The following TDRD6 variants were observed in gnomAD, a reference collection of about 807,000 sequenced individuals.
TDRD6 encodes tudor domain-containing protein 6.
A neutral mutation model predicts 157.5 loss-of-function variants in TDRD6; 186 were observed. That is an observed-to-expected ratio of 1.18 (90% confidence interval 1.05 to 1.33). The LOEUF (loss-of-function observed/expected upper bound fraction) is 1.33, where lower values mean the gene tolerates loss of function less well. Ranked by LOEUF, TDRD6 falls within the 40% of genes most tolerant of loss-of-function variation. The pLI is 0.00. For missense variants in TDRD6, 3,066 were observed against 2,508.0 expected, an observed-to-expected ratio of 1.22 and a Z score of -4.75; for synonymous variants, 1,075 against 945.2, an observed-to-expected ratio of 1.14 and a Z score of -2.52.
intron 2 of TDRD6, among the ~76,000 whole-genome samples, chr6:46,696,545 GTATA>G (rs72157622): frequency 1.1e-3 from 63 of 57,240 alleles, no homozygotes; most frequent in African/African-American, 2.4e-3. Flanking sequence ...GTATATATAT[GTATA>G]TATGTGTGTG....
Position 46,692,614 on chromosome 6 carries a change from A to T in TDRD6, c.4486A>T (p.Ser1496Cys). The T allele has an allele frequency of 6.2e-7, 1 of 1,613,584 alleles. No individual in the cohort carries two copies. Among genetic ancestry groups the T allele is most frequent in the African/African-American group, 1.3e-5 (1 of 75,028 alleles). Residue 1496 changes from serine to cysteine, a missense_variant, in exon 1 of 4, where the codon AGT becomes TGT. Coordinates refer to ENST00000316081, the MANE Select transcript of TDRD6 (RefSeq NM_001010870.3). Reference sequence around the variant, plus strand: ...TTCTACCCAAGTAATTAAAAGTGCCAGTTCAAAGTCTGTTAACAAATCAGA... The same window carrying T: ...TTCTACCCAAGTAATTAAAAGTGCCTGTTCAAAGTCTGTTAACAAATCAGA... ...ELSTQVIKSA[S>C]SKSVNKSDID... is the part of the protein sequence containing the mutation.
At chr6:46,686,030 G>T (rs2150673046), upstream of TDRD6, among the ~76,000 whole-genome samples, 1 of 152,230 alleles carries the variant, frequency 6.6e-6, no homozygotes, top group South Asian at 2.1e-4. Flanking sequence ...GGAAAATCTG[G>T]GTGGATGGGG....
Position 46,691,157 on chromosome 6 carries a change from A to T in TDRD6, c.3029A>T (p.Asn1010Ile). Residue 1010 changes from asparagine (N) to isoleucine (I), a missense_variant, in exon 1 of 4, where the codon AAT becomes ATT. Transcript: ENST00000316081. ...TATTGCCAGCTGGCAAGAAATGCAA[A>T]TATTTTAGAACAGTTGTCATGTAGT... ...TFYCQLARNA[N>I]ILEQLSCSIT... The T allele has an allele frequency of 6.2e-7, 1 of 1,613,724 alleles. No homozygotes were observed. The highest frequency in any genetic ancestry group is 8.5e-7 in the Non-Finnish European group (1 of 1,179,868).
Position 46,688,223 on chromosome 6 carries a change from T to C in TDRD6, c.95T>C (p.Leu32Pro), listed in dbSNP as rs1487453203. Reference protein sequence around the residue: ...DVHPDVIPVQLWGLVGERRGE... With the variant: ...DVHPDVIPVQPWGLVGERRGE... The stretch of plus-strand genomic sequence containing the variant: ...CATCCCGATGTGATCCCGGTGCAGC[T>C]GTGGGGGCTGGTGGGCGAGCGGCGG... Residue 32 changes from leucine to proline, a missense_variant, in exon 1 of 4, where the codon CTG (leucine) becomes CCG (proline). Coordinates refer to ENST00000316081, the MANE Select transcript of TDRD6 (RefSeq NM_001010870.3). 1 of 1,535,162 alleles carries C rather than the reference T, an allele frequency of 6.5e-7. No homozygotes were observed. Among genetic ancestry groups the C allele is most frequent in the Non-Finnish European group, 8.7e-7 (1 of 1,147,694 alleles).
In TDRD6 at chr6:46,702,214, TTTAAA is replaced by T. The variant is rs1250371409; in HGVS notation, c.*333_*337del. 5.3e-5 allele frequency: 10 copies of T among 189,294 alleles called. No homozygotes were observed. Among genetic ancestry groups the T allele is most frequent in the East Asian group, 1.2e-4 (1 of 8,198 alleles). The allele number at this position is 189,294 out of a possible 1,614,324, so 11.7% of individuals were successfully genotyped here. A position where few individuals can be genotyped will look rare whatever the true frequency, so the allele number is the denominator to read the frequency against. ...ATTTTGGTACCTTTCAAATACAGTG[TTTAAA>T]TTAAAATAGAAAAATAAGGGCTCAT... On this transcript the variant is annotated 3_prime_UTR_variant, in exon 4 of 4. Coordinates refer to ENST00000316081, the MANE Select transcript of TDRD6 (RefSeq NM_001010870.3).
At position 46,694,138 on chromosome 6, in the gene TDRD6, A is replaced by T; in HGVS notation, c.6010A>T (p.Ser2004Cys). ...CTCTGAGGAAGAAAGCAGTGATGGA[A>T]GCAAGCACAATAATGGTTTACCAGA... is the stretch of plus-strand genomic sequence containing the variant. ...LFSEEESSDG[S>C]KHNNGLPDHI... is the part of the protein sequence containing the mutation. Residue 2004 changes from serine to cysteine, a missense_variant, in exon 1 of 4, where the codon AGC (serine) becomes TGC (cysteine). Transcript: ENST00000316081. The T allele has an allele frequency of 6.3e-7, 1 of 1,589,330 alleles. No individual in the cohort carries two copies. The highest frequency in any genetic ancestry group is 1.8e-5 in the Admixed American group (1 of 56,458).
At position 46,688,811 on chromosome 6, in the gene TDRD6, C is replaced by A. The variant is rs1211105222; in HGVS notation, c.683C>A (p.Ser228Ter). The change falls in exon 1 of 4, where the codon TCG (serine) becomes TAG (stop). Residue 228 changes from serine to a stop codon, truncating the protein, a stop_gained. Coordinates refer to ENST00000316081, the MANE Select transcript of TDRD6 (RefSeq NM_001010870.3). LOFTEE classifies it high-confidence loss of function. ...GTGGGCTCCGGGGTCCCGGTTCTCT[C>A]GCGAGTCCCGCTCAAGCAAAAGCAG... ...ASVGSGVPVL[S>*]RVPLKQKQPG... 5.0e-6 allele frequency: 8 copies of A among 1,611,946 alleles called. No individual in the cohort carries two copies. The highest frequency in any genetic ancestry group is 6.8e-6 in the Non-Finnish European group (8 of 1,179,788).
intron 2 of TDRD6, among the ~76,000 whole-genome samples, chr6:46,696,490 A>ATATG (rs1175216900): frequency 7.1e-6 from 1 of 140,562 alleles, no homozygotes; most frequent in Non-Finnish European, 1.5e-5. Context: ...ATATATATAT[A>ATATG]TATGTATATG....
At chr6:46,697,382 A>G (rs1036408451) in intron 2 of TDRD6, among the ~76,000 whole-genome samples, 1 of 152,030 alleles carries the variant, frequency 6.6e-6, no homozygotes, top group South Asian at 2.1e-4. Context: ...TATACCTCCT[A>G]CTACAGAAGT....
rs201037130 is a variant in TDRD6, at chr6:46,693,641, C to T, written c.5513C>T (p.Pro1838Leu). Residue 1838 changes from proline to leucine, a missense_variant, in exon 1 of 4, where the codon CCG becomes CTG. Physicochemically the swap from Pro to Leu is moderately conservative, Grantham distance 98. Transcript: ENST00000316081. ...EILELNSLEV[P>L]LSPDDESKEF... ...CTAGAACTGAATTCACTTGAGGTGC[C>T]GCTTTCTCCTGATGATGAATCAAAA... is the stretch of plus-strand genomic sequence containing the variant. 5.3e-5 allele frequency: 85 copies of T among 1,614,104 alleles called. No individual in the cohort carries two copies. Among genetic ancestry groups the T allele is most frequent in the East Asian group, 6.7e-5 (3 of 44,880 alleles).
Position 46,690,208 on chromosome 6 carries a change from G to A in TDRD6, c.2080G>A (p.Glu694Lys). Residue 694 changes from glutamate (E) to lysine (K), a missense_variant, in exon 1 of 4, where the codon GAG becomes AAG. Coordinates refer to ENST00000316081, the MANE Select transcript of TDRD6 (RefSeq NM_001010870.3). ...PGHVSNHFTT[E>K]SNKIPFAKTG... ...GCATGTTTCAAACCACTTTACTACG[G>A]AGAGTAACAAAATACCTTTTGCCAA... 2.5e-6 allele frequency: 4 copies of A among 1,613,880 alleles called. No homozygotes were observed. The highest frequency in any genetic ancestry group is 3.4e-6 in the Non-Finnish European group (4 of 1,180,024).
At chr6:46,681,296 C>T in the TDRD6 span, among the ~76,000 whole-genome samples, 1 of 152,068 alleles carries the variant, frequency 6.6e-6, no homozygotes, top group African/African-American at 2.4e-5. Flanking sequence ...GGATCATCTT[C>T]ATCTGTTTAA....
chr6:46,701,813 T>C (rs774927736), intron 3 of TDRD6, 45 bp from the exon 4 acceptor site: 30 of 1,608,134 alleles, frequency 1.9e-5, no homozygotes, highest in Non-Finnish European at 2.0e-5. Context: ...TTTTTTTGTT[T>C]GTATGTTTCT....
In TDRD6 at chr6:46,693,239, A is replaced by G; in HGVS notation, c.5111A>G (p.Lys1704Arg). ...GAGAAATATTCTAAGACTGGTATTA[A>G]AAGTGCTCTTCCCTATGAAAATATT... ...KMEKYSKTGI[K>R]SALPYENIDS... is the part of the protein sequence containing the mutation. Residue 1704 changes from lysine (K) to arginine (R), a missense_variant, in exon 1 of 4, where the codon AAA becomes AGA. Lys to Arg is a conservative substitution (Grantham distance 26). Coordinates refer to ENST00000316081, the MANE Select transcript of TDRD6 (RefSeq NM_001010870.3). The G allele has an allele frequency of 6.2e-7, 1 of 1,613,644 alleles. No homozygotes were observed. The highest frequency in any genetic ancestry group is 8.5e-7 in the Non-Finnish European group (1 of 1,179,892).
chr6:46,700,910 TC>T (rs538119629), intron 3 of TDRD6: 11 of 329,234 alleles, frequency 3.3e-5, no homozygotes, highest in South Asian at 2.6e-4. Flanking sequence ...TTACATCTTT[TC>T]TGGCTTATCT....
rs370904256 is a variant in TDRD6, at chr6:46,690,678, A to G, written c.2550A>G (p.Thr850=). 107 of 1,614,068 alleles carry G rather than the reference A, an allele frequency of 6.6e-5. No homozygotes were observed. Among genetic ancestry groups the G allele is most frequent in the Non-Finnish European group, 8.7e-5 (103 of 1,180,016 alleles). Residue 850 remains threonine (T), a synonymous_variant, in exon 1 of 4, where the codon ACA becomes ACG. Transcript: ENST00000316081. ...AGTCTGTGGAGCATGTCAATGTAACATTTGTAGATTATGGAGACAGAGAAA... is the reference window on the plus strand; with the variant it reads ...AGTCTGTGGAGCATGTCAATGTAACGTTTGTAGATTATGGAGACAGAGAAA... ...GIQSVEHVNV[T]FVDYGDREMV...
Position 46,690,489 on chromosome 6 carries a change from C to G in TDRD6, c.2361C>G (p.Phe787Leu), listed in dbSNP as rs1369631717. 5 of 1,614,082 alleles carry G rather than the reference C, an allele frequency of 3.1e-6. No homozygotes were observed. Among genetic ancestry groups the G allele is most frequent in the East Asian group, 2.2e-5 (1 of 44,872 alleles). The change falls in exon 1 of 4, where the codon TTC becomes TTG. Residue 787 changes from phenylalanine (F) to leucine (L), a missense_variant. Transcript: ENST00000316081. ...RVSYVENPGY[F>L]WCQLTRNIQG... is the part of the protein sequence containing the mutation. ...CTTATGTTGAAAACCCTGGCTATTTCTGGTGTCAGCTGACCAGGAACATAC... is the reference window on the plus strand; with the variant it reads ...CTTATGTTGAAAACCCTGGCTATTTGTGGTGTCAGCTGACCAGGAACATAC...
Position 46,688,716 on chromosome 6 carries a change from G to A in TDRD6, c.588G>A (p.Leu196=). Residue 196 remains leucine (L), a synonymous_variant, in exon 1 of 4, where the codon CTG becomes CTA. Transcript: ENST00000316081. ...TCCAACAGATGCGGGAGCTGGGCCT[G>A]GCTCGGCGGGTGCCCGACAGCCTCT... ...DVFQQMRELG[L]ARRVPDSLFR... The A allele has an allele frequency of 1.9e-6, 3 of 1,599,288 alleles. No homozygotes were observed. The highest frequency in any genetic ancestry group is 1.1e-5 in the South Asian group (1 of 90,952).
chr6:46,703,216 G>A lies in TDRD6; in HGVS notation c.*1329G>A, dbSNP rs1300985360. On this transcript the variant is annotated 3_prime_UTR_variant, in exon 4 of 4. Transcript: ENST00000316081. The stretch of plus-strand genomic sequence containing the variant: ...GAGACTGGGGTAAAGGTGTATCTCT[G>A]TGAAGCATTATCAGACTCTGAAGCC... The A allele has an allele frequency of 1.3e-5, 2 of 152,040 alleles. No homozygotes were observed. The highest frequency in any genetic ancestry group is 2.9e-5 in the Non-Finnish European group (2 of 67,948). 9.4% of individuals were successfully genotyped at this position (152,040 alleles called of 1,614,324 possible).
Sources: allele counts gnomAD v4.1 joint callset (sites outside exome capture counted in the v4.1 genomes callset), GRCh38; gene constraint gnomAD v4.1.1; transcripts MANE v1.5; gene names NCBI Gene and HGNC (gene_info 2026-07-23, HGNC 2026-07-21).